Variants in SIL1 observed in about 807,000 individuals in gnomAD.
The protein encoded by SIL1 is nucleotide exchange factor SIL1.
In SIL1, 40 loss-of-function variants were observed where a neutral mutation model predicts 49.1. The observed-to-expected ratio is 0.81, with a 90% CI of 0.63 to 1.06. SIL1 has a LOEUF of 1.06. SIL1 is among the 50% of genes least tolerant of loss of function. SIL1 has a pLI of 0.00. For missense variants in SIL1, 500 were observed against 572.6 expected (o/e 0.87, Z 1.29); for synonymous variants, 253 against 250.8 (o/e 1.01, Z -0.08).
intron 3 of SIL1, among the ~76,000 whole-genome samples, chr5:139,069,092 A>G (rs1384589627): frequency 2.0e-5 from 3 of 152,118 alleles, no homozygotes; most frequent in Non-Finnish European, 4.4e-5. Context: ...TTTCAGGATC[A>G]GCCCAGGTAA....
chr5:138,998,600 G>A (rs1348908482), intron 7 of SIL1, among the ~76,000 whole-genome samples: 1 of 152,168 alleles, frequency 6.6e-6, no homozygotes, highest in Non-Finnish European at 1.5e-5. Flanking sequence ...ATAAGGCAAA[G>A]CAGGAACAAG....
chr5:139,086,055 G>A (rs1403270641), intron 3 of SIL1, among the ~76,000 whole-genome samples: 5 of 151,476 alleles, frequency 3.3e-5, no homozygotes, highest in Admixed American at 6.6e-5. Flanking sequence ...TTGAGCCCAG[G>A]AGTTTGAGAC....
chr5:139,192,148 A>G (rs931022064), intron 1 of SIL1, among the ~76,000 whole-genome samples: 1 of 149,976 alleles, frequency 6.7e-6, no homozygotes, highest in Non-Finnish European at 1.5e-5. Flanking sequence ...CCAGCTACTC[A>G]GGAGGTTGAG....
intron 7 of SIL1, among the ~76,000 whole-genome samples, chr5:139,011,235 T>A (rs1425514816): frequency 5.3e-5 from 8 of 151,502 alleles, no homozygotes; most frequent in Non-Finnish European, 5.9e-5. Context: ...TCCAGGTGCG[T>A]CCGTCACCCC....
intron 9 of SIL1, among the ~76,000 whole-genome samples, chr5:138,949,301 C>G (rs1405218508): frequency 6.6e-6 from 1 of 152,156 alleles, no homozygotes; most frequent in African/African-American, 2.4e-5. Context: ...TCTCACAGGC[C>G]AAGGTACATA....
At chr5:139,128,163 T>C (rs1366847982) in intron 1 of SIL1, 2 of 386,970 alleles carry the variant, frequency 5.2e-6, no homozygotes, top group South Asian at 2.0e-5. Flanking sequence ...GTCTTGACTA[T>C]AAGGAGAGAG....
At chr5:138,996,246 T>C (rs1166047137) in intron 7 of SIL1, among the ~76,000 whole-genome samples, 1 of 152,186 alleles carries the variant, frequency 6.6e-6, no homozygotes, top group Non-Finnish European at 1.5e-5. Flanking sequence ...TGATATCCCA[T>C]TGTGATTTTA....
chr5:138,964,849 T>C (rs1414182882), intron 7 of SIL1, among the ~76,000 whole-genome samples: 1 of 152,276 alleles, frequency 6.6e-6, no homozygotes, highest in Non-Finnish European at 1.5e-5. Context: ...ACAGCAGTTT[T>C]CAGCTGCCTG....
intron 3 of SIL1, among the ~76,000 whole-genome samples, chr5:139,087,900 T>A (rs1236497662): frequency 6.6e-6 from 1 of 152,156 alleles, no homozygotes; most frequent in Non-Finnish European, 1.5e-5. Context: ...ACATCCCAAG[T>A]GGCTAATGTG....
intron 4 of SIL1, among the ~76,000 whole-genome samples, chr5:139,046,780 C>A (rs1005678641): frequency 1.3e-5 from 2 of 152,190 alleles, no homozygotes; most frequent in African/African-American, 4.8e-5. Context: ...GGATACCAAT[C>A]CAGTCTTTGA....
chr5:138,965,340 A>C (rs1368603702), intron 7 of SIL1, among the ~76,000 whole-genome samples: 1 of 152,132 alleles, frequency 6.6e-6, no homozygotes, highest in African/African-American at 2.4e-5. Flanking sequence ...TAAACGCTTA[A>C]AATTTCACCA....
intron 3 of SIL1, among the ~76,000 whole-genome samples, chr5:139,106,062 C>G (rs1770703688): frequency 6.6e-6 from 1 of 152,186 alleles, no homozygotes; most frequent in Admixed American, 6.5e-5. Flanking sequence ...ACTCATGGTG[C>G]AGGATTCTCA....
intron 3 of SIL1, among the ~76,000 whole-genome samples, chr5:139,106,366 A>G (rs982186448): frequency 1.3e-5 from 2 of 152,204 alleles, no homozygotes; most frequent in African/African-American, 4.8e-5. Context: ...GCCTAAAATA[A>G]CCTACAGAAA....
At chr5:139,021,439 A>G in intron 6 of SIL1, 147 bp from the exon 7 acceptor site, 1 of 1,195,444 alleles carries the variant, frequency 8.4e-7, no homozygotes, top group East Asian at 2.6e-5. Flanking sequence ...AAAGGTTTGT[A>G]AAAACCAATT....
intron 7 of SIL1, among the ~76,000 whole-genome samples, chr5:138,980,095 C>G (rs1277815629): frequency 6.6e-6 from 1 of 152,222 alleles, no homozygotes; most frequent in African/African-American, 2.4e-5. Flanking sequence ...ACAAAAACCG[C>G]TAGGGGCCTG....
Position 139,095,518 on chromosome 5 carries a change from T to C in SIL1, c.244+25517A>G, listed in dbSNP as rs1478214061. On this transcript the variant is annotated intron_variant, in intron 3 of 9. Transcript: ENST00000394817. ...CTCAAGTGATCCACTTGCCTTGGCC[T>C]CTCAAACTGCTGGGATTACAGGCAT... Among the ~76,000 whole-genome samples the C allele has an allele frequency of 2.0e-5, 3 of 152,228 alleles. No individual in the cohort carries two copies. The East Asian group carries it at 5.8e-4, about 29-fold the overall frequency.
intron 1 of SIL1, among the ~76,000 whole-genome samples, chr5:139,177,527 C>T (rs754684962): frequency 1.5e-4 from 23 of 152,006 alleles, no homozygotes; most frequent in African/African-American, 4.3e-4. Flanking sequence ...CATGAGCCAC[C>T]GCGCCCAGCC....
At position 139,117,058 on chromosome 5, in the gene SIL1, G is replaced by T. The variant is rs528063972; in HGVS notation, c.244+3977C>A. 7.2e-5 allele frequency among the ~76,000 whole-genome samples: 11 copies of T among 152,310 alleles called. No individual in the cohort carries two copies. In the South Asian group the frequency reaches 1.0e-3, roughly 14 times the overall value. On this transcript the variant is annotated intron_variant, in intron 3 of 9. Transcript: ENST00000394817. ...ATGAACTGCCCCACACAGATCTCAG[G>T]GTTAAAGAGAAAAGGCCCTGGCCTT...
At chr5:139,143,010 C>T (rs568263866) in intron 1 of SIL1, among the ~76,000 whole-genome samples, 3 of 151,870 alleles carry the variant, frequency 2.0e-5, no homozygotes, top group East Asian at 1.9e-4. Context: ...CCTCGTGATC[C>T]GCCCACCTTG....
Sources: gnomAD v4.1 joint callset for allele counts (sites outside exome capture counted in the v4.1 genomes callset) on GRCh38, gnomAD v4.1.1 for gene constraint, MANE v1.5 for transcripts, NCBI Gene and HGNC (gene_info 2026-07-23, HGNC 2026-07-21) for gene names.